NKAIN2: variants seen among roughly 807,000 people sequenced by gnomAD.
The protein encoded by NKAIN2 is sodium/potassium transporting ATPase interacting 2.
NKAIN2 carries 14 observed loss-of-function variants against 32.6 expected under a neutral mutation model. That is an observed-to-expected ratio of 0.43 (90% CI 0.28 to 0.67). The LOEUF is 0.67. Ranked by LOEUF, NKAIN2 falls within the 30% of genes least tolerant of loss-of-function variation. NKAIN2 has a pLI of 0.17. For synonymous variants in NKAIN2, 80 were observed against 87.2 expected (o/e 0.92, Z 0.46); for missense variants, 198 against 258.3 (o/e 0.77, Z 1.60).
chr6:124,209,398 G>A (rs1791058174), intron 1 of NKAIN2, among the ~76,000 whole-genome samples: 2 of 151,722 alleles, frequency 1.3e-5, no homozygotes, highest in African/African-American at 4.8e-5. Context: ...TGTGAATAGT[G>A]CTGCAATACA....
intron 1 of NKAIN2, among the ~76,000 whole-genome samples, chr6:124,185,521 C>T (rs1789672288): frequency 6.6e-6 from 1 of 152,136 alleles, no homozygotes; most frequent in African/African-American, 2.4e-5. Context: ...CTGTCTTTCT[C>T]TTTCTACACT....
At chr6:124,055,299 A>G (rs1782593748) in intron 1 of NKAIN2, among the ~76,000 whole-genome samples, 1 of 152,076 alleles carries the variant, frequency 6.6e-6, no homozygotes, top group African/African-American at 2.4e-5. Context: ...TAATAGCTCT[A>G]TGAGAGTATT....
rs73565125 is a variant in NKAIN2 at position 123,857,885 on chromosome 6, G to A, written c.54+53631G>A. On this transcript the variant is annotated intron_variant, in intron 1 of 6. Coordinates refer to ENST00000368417, the MANE Select transcript of NKAIN2 (RefSeq NM_001040214.3). ...CCCATATGTCAGTGCAATTGTATTT[G>A]AAGAGTGAGAATGACACAGATTATT... Among the ~76,000 whole-genome samples the A allele has an allele frequency of 7.9e-3, 1,195 of 150,562 alleles. 15 individuals are homozygous for A. Among genetic ancestry groups the A allele is most frequent in the African/African-American group, 0.027 (1,126 of 41,452 alleles).
In NKAIN2 at chr6:124,466,120, A is replaced by T. The variant is rs565143542; in HGVS notation, c.273+110773A>T. Among the ~76,000 whole-genome samples, 11 of 152,240 alleles carry T rather than the reference A, an allele frequency of 7.2e-5. No individual in the cohort carries two copies. In the East Asian group the frequency reaches 2.1e-3, roughly 29 times the overall value. Reference sequence around the variant, plus strand: ...TTGGCTGATAGTAACTGGCAATTGGATTTAGAATCCCAATTCAAGCACAAA... The same window carrying T: ...TTGGCTGATAGTAACTGGCAATTGGTTTTAGAATCCCAATTCAAGCACAAA... On this transcript the variant is annotated intron_variant, in intron 3 of 6. Coordinates refer to ENST00000368417, the MANE Select transcript of NKAIN2 (RefSeq NM_001040214.3).
intron 1 of NKAIN2, among the ~76,000 whole-genome samples, chr6:124,239,784 GA>G (rs1354855683): frequency 6.6e-6 from 1 of 152,114 alleles, no homozygotes; most frequent in African/African-American, 2.4e-5. Flanking sequence ...ATGCCCACTG[GA>G]GAAAGCGGGA....
intron 3 of NKAIN2, among the ~76,000 whole-genome samples, chr6:124,447,332 T>A (rs974449755): frequency 6.6e-6 from 1 of 152,156 alleles, no homozygotes; most frequent in East Asian, 1.9e-4. Flanking sequence ...TAAATAATAT[T>A]TGTTGAATGC....
intron 1 of NKAIN2, among the ~76,000 whole-genome samples, chr6:124,226,740 AAG>A (rs1792132660): frequency 6.6e-6 from 1 of 152,132 alleles, no homozygotes; most frequent in African/African-American, 2.4e-5. Flanking sequence ...TTTTGACCAC[AAG>A]AATGTGCAGT....
At chr6:123,953,328 T>C (rs566281779) in intron 1 of NKAIN2, among the ~76,000 whole-genome samples, 8 of 152,288 alleles carry the variant, frequency 5.3e-5, no homozygotes, top group African/African-American at 1.9e-4. Flanking sequence ...CTGGTATTAG[T>C]GAATTCAGGC....
At chr6:124,167,930 A>C (rs1788644561) in intron 1 of NKAIN2, among the ~76,000 whole-genome samples, 2 of 152,184 alleles carry the variant, frequency 1.3e-5, no homozygotes, top group African/African-American at 4.8e-5. Flanking sequence ...TGTAATGTTT[A>C]TCAAAGTACA....
chr6:124,805,895 G>A (rs1780526980), intron 5 of NKAIN2, among the ~76,000 whole-genome samples: 1 of 152,190 alleles, frequency 6.6e-6, no homozygotes, highest in Non-Finnish European at 1.5e-5. Context: ...ATCAGCGATG[G>A]AAGATGAAAT....
At chr6:124,578,999 C>T (rs1015146178) in intron 3 of NKAIN2, among the ~76,000 whole-genome samples, 2 of 152,208 alleles carry the variant, frequency 1.3e-5, no homozygotes, top group Non-Finnish European at 2.9e-5. Context: ...AGGGCAGCAT[C>T]TCTATGAGTT....
chr6:124,776,727 T>G (rs1562377332), intron 4 of NKAIN2, among the ~76,000 whole-genome samples: 1 of 152,204 alleles, frequency 6.6e-6, no homozygotes, highest in African/African-American at 2.4e-5. Context: ...TTATACAGTG[T>G]TTTCTAAGAG....
chr6:124,270,861 C>G (rs899412022), intron 1 of NKAIN2, among the ~76,000 whole-genome samples: 1 of 152,188 alleles, frequency 6.6e-6, no homozygotes, highest in African/African-American at 2.4e-5. Context: ...GAAAGACTGT[C>G]ATTTGAACAG....
intron 1 of NKAIN2, among the ~76,000 whole-genome samples, chr6:124,020,005 G>A (rs1780795153): frequency 6.6e-6 from 1 of 152,082 alleles, no homozygotes; most frequent in African/African-American, 2.4e-5. Flanking sequence ...GATAGGCATT[G>A]TATTGCCTGT....
chr6:124,663,926 A>G (rs902086180), intron 4 of NKAIN2, among the ~76,000 whole-genome samples: 2 of 152,192 alleles, frequency 1.3e-5, no homozygotes, highest in South Asian at 2.1e-4. Context: ...AGATTTTTCA[A>G]TGCTTAAACC....
intron 1 of NKAIN2, among the ~76,000 whole-genome samples, chr6:123,817,883 G>A (rs547993829): frequency 3.9e-5 from 6 of 152,206 alleles, no homozygotes; most frequent in African/African-American, 1.4e-4. Flanking sequence ...TGACTGGAGA[G>A]GCAATGTTGA....
chr6:124,110,356 C>T (rs1251789514), intron 1 of NKAIN2, among the ~76,000 whole-genome samples: 2 of 151,912 alleles, frequency 1.3e-5, no homozygotes, highest in African/African-American at 4.8e-5. Context: ...AAATTGTGTA[C>T]TTGATTAAAT....
At chr6:123,824,918 A>G (rs187205112) in intron 1 of NKAIN2, among the ~76,000 whole-genome samples, 2 of 152,176 alleles carry the variant, frequency 1.3e-5, no homozygotes, top group East Asian at 3.9e-4. Flanking sequence ...GAAGTACATG[A>G]TGTGCTTTTT....
chr6:124,719,495 C>G (rs1194742777), intron 4 of NKAIN2, among the ~76,000 whole-genome samples: 1 of 152,172 alleles, frequency 6.6e-6, no homozygotes, highest in East Asian at 1.9e-4. Flanking sequence ...TAGAAACATT[C>G]TGTAGACAAA....
Sources: allele counts gnomAD v4.1 joint callset (sites outside exome capture counted in the v4.1 genomes callset), GRCh38; gene constraint gnomAD v4.1.1; transcripts MANE v1.5; gene names NCBI Gene and HGNC (gene_info 2026-07-23, HGNC 2026-07-21).